The following CPEB3 variants were observed in gnomAD, a reference collection of about 807,000 sequenced individuals.
The protein encoded by CPEB3 is cytoplasmic polyadenylation element-binding protein 3.
CPEB3 carries 20 observed loss-of-function variants against 67.2 expected under a neutral mutation model. The ratio of observed to expected loss-of-function variants is 0.30; its 90% confidence interval spans 0.21 to 0.43. The LOEUF (loss-of-function observed/expected upper bound fraction) is 0.43, where lower values mean the gene tolerates loss of function less well. Ranked by LOEUF, CPEB3 falls within the 20% of genes least tolerant of loss-of-function variation. CPEB3 has a pLI of 1.00. For missense variants in CPEB3, 746 were observed against 968.6 expected (o/e 0.77, Z 3.05); for synonymous variants, 376 against 393.1 (o/e 0.96, Z 0.51).
At chr10:92,212,399 C>T (rs1850141758) in intron 2 of CPEB3, among the ~76,000 whole-genome samples, 1 of 151,074 alleles carries the variant, frequency 6.6e-6, no homozygotes, top group African/African-American at 2.4e-5. Flanking sequence ...TACAGGCACT[C>T]ACCACTGCCC....
intron 3 of CPEB3, among the ~76,000 whole-genome samples, chr10:92,190,601 G>A (rs934422912): frequency 6.6e-5 from 9 of 135,826 alleles, no homozygotes; most frequent in Non-Finnish European, 1.2e-4. Flanking sequence ...TGAGGCACAC[G>A]TTGTGGTAAG....
chr10:92,165,876 T>C (rs1847713817), intron 4 of CPEB3, among the ~76,000 whole-genome samples: 1 of 152,180 alleles, frequency 6.6e-6, no homozygotes, highest in South Asian at 2.1e-4. Context: ...ACACTGTATC[T>C]GCAGTGACTT....
chr10:92,094,680 C>G (rs1843776044), intron 7 of CPEB3, among the ~76,000 whole-genome samples: 1 of 151,886 alleles, frequency 6.6e-6, no homozygotes, highest in South Asian at 2.1e-4. Flanking sequence ...ACATTTACTA[C>G]AAAGGCAGAT....
chr10:92,076,164 T>C (rs1190245012), intron 9 of CPEB3: 5 of 152,222 alleles, frequency 3.3e-5, no homozygotes, highest in Non-Finnish European at 7.3e-5. Context: ...TCTATATTTA[T>C]AATGATGCAG....
rs187890363 is a variant in CPEB3 at position 92,097,979 on chromosome 10, T to C, written c.1573-6035A>G. On this transcript the variant is annotated intron_variant, in intron 7 of 9. Coordinates refer to ENST00000265997, the MANE Select transcript of CPEB3 (RefSeq NM_014912.5). Reference sequence around the variant, plus strand: ...GAGTTTGAGACCAGCCTGACCAATATGGTGAAACCCCGTATCTACTAAAAA... The same window carrying C: ...GAGTTTGAGACCAGCCTGACCAATACGGTGAAACCCCGTATCTACTAAAAA... 5.2e-3 allele frequency among the ~76,000 whole-genome samples: 783 copies of C among 151,782 alleles called. 3 individuals carry two copies. Among genetic ancestry groups the C allele is most frequent in the Non-Finnish European group, 7.2e-3 (492 of 67,892 alleles).
At chr10:92,120,285 CAAAA>C (rs1201054560) in intron 6 of CPEB3, among the ~76,000 whole-genome samples, 34 of 117,806 alleles carry the variant, frequency 2.9e-4, no homozygotes, top group Admixed American at 7.2e-4. Context: ...AACAAACAAA[CAAAA>C]AACCAAATTG....
At chr10:92,184,429 C>G (rs1000106542) in intron 3 of CPEB3, among the ~76,000 whole-genome samples, 1 of 152,048 alleles carries the variant, frequency 6.6e-6, no homozygotes, top group Non-Finnish European at 1.5e-5. Context: ...GTGGTGAAAC[C>G]CCATCTCTAC....
At chr10:92,054,065 G>T (rs1346323559) in intron 9 of CPEB3, among the ~76,000 whole-genome samples, 2 of 152,106 alleles carry the variant, frequency 1.3e-5, no homozygotes, top group African/African-American at 2.4e-5. Flanking sequence ...TGTGCTTGTT[G>T]TCCATTTGTA....
chr10:92,273,184 ATATTT>A (rs1393909512), intron 1 of CPEB3, among the ~76,000 whole-genome samples: 1 of 152,122 alleles, frequency 6.6e-6, no homozygotes, highest in Non-Finnish European at 1.5e-5. Context: ...TTCATATATT[ATATTT>A]TATTCTTTTA....
intron 2 of CPEB3, among the ~76,000 whole-genome samples, chr10:92,207,302 T>TAC (rs1849838890): frequency 6.6e-6 from 1 of 152,018 alleles, no homozygotes; most frequent in Non-Finnish European, 1.5e-5. Context: ...TTCATGTACA[T>TAC]ACACACACCA....
chr10:92,171,224 G>A (rs1847985968), intron 4 of CPEB3, among the ~76,000 whole-genome samples: 1 of 152,190 alleles, frequency 6.6e-6, no homozygotes, highest in Non-Finnish European at 1.5e-5. Context: ...ATTCATATCA[G>A]CCCTGCCCTG....
chr10:92,101,410 G>A (rs960644061), intron 7 of CPEB3, among the ~76,000 whole-genome samples: 2 of 152,082 alleles, frequency 1.3e-5, no homozygotes, highest in Admixed American at 6.6e-5. Flanking sequence ...GAACCATCAG[G>A]ACTGCTCTCC....
chr10:92,254,691 C>T (rs913812599), intron 1 of CPEB3, among the ~76,000 whole-genome samples: 5 of 151,942 alleles, frequency 3.3e-5, no homozygotes, highest in African/African-American at 1.2e-4. Flanking sequence ...CTTGCTCGCT[C>T]AGTCACCCAA....
chr10:92,064,585 T>C (rs953893570), intron 9 of CPEB3, among the ~76,000 whole-genome samples: 8 of 152,188 alleles, frequency 5.3e-5, no homozygotes, highest in African/African-American at 1.7e-4. Context: ...CTGAAAGGAA[T>C]AGCCAGCTGT....
intron 7 of CPEB3, among the ~76,000 whole-genome samples, chr10:92,093,141 G>A (rs192419043): frequency 5.3e-5 from 8 of 152,178 alleles, no homozygotes; most frequent in African/African-American, 1.4e-4. Context: ...AATTTTGCAC[G>A]GTCTCAAAAC....
At chr10:92,154,376 T>C (rs1334827598) in intron 4 of CPEB3, among the ~76,000 whole-genome samples, 2 of 77,170 alleles carry the variant, frequency 2.6e-5, no homozygotes, top group Non-Finnish European at 4.6e-5. Flanking sequence ...TGATATTTAT[T>C]TTCAATCTTA....
rs144587237 is a variant in CPEB3 at position 92,282,178 on chromosome 10, A to C, written c.-12+8748T>G. Among the ~76,000 whole-genome samples, 273 of 152,356 alleles carry C rather than the reference A, an allele frequency of 1.8e-3. 1 individual carries two copies. Among genetic ancestry groups the C allele is most frequent in the African/African-American group, 6.4e-3 (265 of 41,582 alleles). On this transcript the variant is annotated intron_variant, in intron 1 of 9. Coordinates refer to ENST00000265997, the MANE Select transcript of CPEB3 (RefSeq NM_014912.5). ...AAAGAGAGGAATGTAAGCAAGGATAATGAAAAGTAATGGGTCTCCCACCAT... is the reference window on the plus strand; with the variant it reads ...AAAGAGAGGAATGTAAGCAAGGATACTGAAAAGTAATGGGTCTCCCACCAT...
At chr10:92,172,756 A>G (rs1053796414) in intron 4 of CPEB3, among the ~76,000 whole-genome samples, 14 of 152,222 alleles carry the variant, frequency 9.2e-5, no homozygotes, top group African/African-American at 3.1e-4. Context: ...TTTTGTCTGG[A>G]TAAGAAAATA....
chr10:92,104,535 T>C (rs1252313090), intron 7 of CPEB3, among the ~76,000 whole-genome samples: 2 of 151,774 alleles, frequency 1.3e-5, no homozygotes, highest in Admixed American at 6.6e-5. Context: ...TACAGGCACC[T>C]GCCACCACGC....
Sources: gnomAD v4.1 joint callset for allele counts (sites outside exome capture counted in the v4.1 genomes callset) on GRCh38, gnomAD v4.1.1 for gene constraint, MANE v1.5 for transcripts, NCBI Gene and HGNC (gene_info 2026-07-23, HGNC 2026-07-21) for gene names.